NRF1: variants seen among roughly 807,000 people sequenced by gnomAD.
NRF1 encodes the protein alpha palindromic-binding protein.
A neutral mutation model predicts 58.5 loss-of-function variants in NRF1; 5 were observed. The ratio of observed to expected loss-of-function variants is 0.09; its 90% CI spans 0.04 to 0.18. The LOEUF (loss-of-function observed/expected upper bound fraction) is 0.18, where lower values mean the gene tolerates loss of function less well. NRF1 is among the 10% of genes least tolerant of loss of function. The pLI is 1.00. For synonymous variants in NRF1, 224 were observed against 246.7 expected (o/e 0.91, Z 0.86); for missense variants, 288 against 657.7 (o/e 0.44, Z 6.15).
chr7:129,736,957 G>GAA (rs1803729658), intron 10 of NRF1, among the ~76,000 whole-genome samples: 1 of 152,170 alleles, frequency 6.6e-6, no homozygotes, highest in Non-Finnish European at 1.5e-5. Flanking sequence ...TAAAAATTAG[G>GAA]ATAATGATAG....
At chr7:129,648,310 C>T (rs1374580329) in intron 1 of NRF1, among the ~76,000 whole-genome samples, 10 of 134,256 alleles carry the variant, frequency 7.4e-5, no homozygotes, top group Non-Finnish European at 1.5e-5. Flanking sequence ...GAAGGAGTCT[C>T]GCTCTGTCGC....
chr7:129,710,974 G>A (rs1250097684), intron 7 of NRF1, among the ~76,000 whole-genome samples: 1 of 150,974 alleles, frequency 6.6e-6, no homozygotes, highest in African/African-American at 2.4e-5. Context: ...GTAGAGATGA[G>A]GTCTTGCTAT....
At chr7:129,737,374 TG>T (rs1431949219) in intron 10 of NRF1, among the ~76,000 whole-genome samples, 1 of 152,242 alleles carries the variant, frequency 6.6e-6, no homozygotes, top group South Asian at 2.1e-4. Flanking sequence ...ACTCCTAAAA[TG>T]GCACAATGTG....
chr7:129,737,214 T>C (rs879889440), intron 10 of NRF1, among the ~76,000 whole-genome samples: 4 of 152,248 alleles, frequency 2.6e-5, no homozygotes, highest in African/African-American at 9.6e-5. Context: ...AGGTGGATGC[T>C]GTAAAAATGG....
chr7:129,647,912 C>T (rs907933943), intron 1 of NRF1, among the ~76,000 whole-genome samples: 5 of 152,060 alleles, frequency 3.3e-5, no homozygotes, highest in Admixed American at 1.3e-4. Context: ...CAGTTCTTAA[C>T]GTAAGAAGGG....
At chr7:129,625,446 T>G (rs1800891571) in intron 1 of NRF1, among the ~76,000 whole-genome samples, 1 of 152,162 alleles carries the variant, frequency 6.6e-6, no homozygotes, top group Non-Finnish European at 1.5e-5. Flanking sequence ...ACCTTGAGCA[T>G]GTTATTTAAC....
intron 10 of NRF1, among the ~76,000 whole-genome samples, chr7:129,751,127 A>G (rs1218865528): frequency 4.6e-5 from 7 of 152,170 alleles, no homozygotes; most frequent in African/African-American, 7.2e-5. Flanking sequence ...GATGGGGAGG[A>G]GAGAGGCTGG....
chr7:129,750,432 C>T (rs1025820329), intron 10 of NRF1, among the ~76,000 whole-genome samples: 31 of 152,208 alleles, frequency 2.0e-4, no homozygotes, highest in African/African-American at 7.0e-4. Flanking sequence ...GTCAGAGACA[C>T]TGAGGCGATT....
rs896768842 is a variant in NRF1, at chr7:129,742,836, A to G, written c.1349-12182A>G. Among the ~76,000 whole-genome samples the G allele has an allele frequency of 5.3e-5, 8 of 152,178 alleles. No individual in the cohort carries two copies. In the South Asian group the frequency reaches 8.3e-4, roughly 16 times the overall value. ...GCTATTTAAACTTAATTAAAACAGA[A>G]TAAAATTTAAAAATCAGTTCCTCAG... On this transcript the variant is annotated intron_variant, in intron 10 of 10. Transcript: ENST00000393232.
chr7:129,751,223 G>C (rs1562994037), intron 10 of NRF1, among the ~76,000 whole-genome samples: 1 of 152,250 alleles, frequency 6.6e-6, no homozygotes, highest in Non-Finnish European at 1.5e-5. Context: ...CGTGTGAAGT[G>C]AGTGGGGATT....
rs1197318440 is a variant in NRF1 at position 129,711,563 on chromosome 7, T to A, written c.1052T>A (p.Val351Glu). Residue 351 changes from valine (V) to glutamate (E), a missense_variant, in exon 8 of 11, where the codon GTG (valine) becomes GAG (glutamate). By Grantham distance (121) the Val-to-Glu change is moderately radical (BLOSUM62 -2). Coordinates refer to ENST00000393232, the MANE Select transcript of NRF1 (RefSeq NM_005011.5). ...VTVAQVNYSA[V>E]ADGEVEQNWA... ...GTTGCCCAAGTGAATTATTCTGCCG[T>A]GGCTGATGGAGAGGTAAGAAAGAGA... The A allele has an allele frequency of 6.2e-7, 1 of 1,610,768 alleles. No homozygotes were observed. The highest frequency in any genetic ancestry group is 1.3e-5 in the African/African-American group (1 of 75,030).
chr7:129,752,956 C>T (rs760081874), intron 10 of NRF1, among the ~76,000 whole-genome samples: 14 of 152,156 alleles, frequency 9.2e-5, no homozygotes, highest in South Asian at 2.1e-4. Flanking sequence ...TCTTCCATTT[C>T]GGTGAGGGCA....
intron 5 of NRF1, among the ~76,000 whole-genome samples, chr7:129,695,625 A>T (rs1423799602): frequency 6.7e-6 from 1 of 149,140 alleles, no homozygotes; most frequent in African/African-American, 2.5e-5. Flanking sequence ...TTTCTTATAT[A>T]CTGTAGTTTG....
chr7:129,614,585 G>C (rs1800623715), intron 1 of NRF1, among the ~76,000 whole-genome samples: 1 of 151,960 alleles, frequency 6.6e-6, no homozygotes, highest in Non-Finnish European at 1.5e-5. Flanking sequence ...CCCAGTAGCT[G>C]AGACTATAGG....
chr7:129,640,020 C>A (rs1202569071), intron 1 of NRF1, among the ~76,000 whole-genome samples: 3 of 152,200 alleles, frequency 2.0e-5, no homozygotes, highest in East Asian at 3.9e-4. Context: ...ACTTTATAAA[C>A]TGCATTTATT....
intron 1 of NRF1, among the ~76,000 whole-genome samples, chr7:129,635,989 CATTA>C (rs1409006444): frequency 1.3e-5 from 2 of 152,150 alleles, no homozygotes; most frequent in East Asian, 3.9e-4. Context: ...TCTAACTATT[CATTA>C]ATTAAGCATT....
chr7:129,653,510 T>C (rs995065188), intron 1 of NRF1, among the ~76,000 whole-genome samples: 8 of 152,202 alleles, frequency 5.3e-5, no homozygotes, highest in African/African-American at 1.9e-4. Flanking sequence ...GTACATTACA[T>C]AGTTTACATT....
At chr7:129,652,168 A>T (rs1801551169) in intron 1 of NRF1, among the ~76,000 whole-genome samples, 1 of 152,230 alleles carries the variant, frequency 6.6e-6, no homozygotes, top group Non-Finnish European at 1.5e-5. Context: ...TCTATAGTAG[A>T]GTGGGACAAA....
chr7:129,683,326 A>T (rs1435602496), intron 4 of NRF1, among the ~76,000 whole-genome samples: 83 of 143,608 alleles, frequency 5.8e-4, no homozygotes, highest in South Asian at 2.9e-3. Flanking sequence ...TGTGTGAGAG[A>T]GAGAGAGAGA....
Sources: gnomAD v4.1 joint callset for allele counts (sites outside exome capture counted in the v4.1 genomes callset) on GRCh38, gnomAD v4.1.1 for gene constraint, MANE v1.5 for transcripts, NCBI Gene and HGNC (gene_info 2026-07-23, HGNC 2026-07-21) for gene names.